Variants in LRRC7 observed in about 807,000 individuals in gnomAD.
LRRC7 encodes the protein leucine-rich repeat-containing protein 7.
In LRRC7, 23 loss-of-function variants were observed where a neutral mutation model predicts 175.7. The observed-to-expected ratio is 0.13, with a 90% CI of 0.09 to 0.19. The LOEUF (loss-of-function observed/expected upper bound fraction) is 0.19. LRRC7 is among the 10% of genes least tolerant of loss of function. LRRC7 has a pLI of 1.00. For synonymous variants in LRRC7, 685 were observed against 680.9 expected (o/e 1.01, Z -0.09); for missense variants, 1,354 against 1,904.7 (o/e 0.71, Z 5.38).
intron 26 of LRRC7, among the ~76,000 whole-genome samples, chr1:70,114,337 A>G (rs1665712815): frequency 6.6e-6 from 1 of 152,146 alleles, no homozygotes; most frequent in South Asian, 2.1e-4. Flanking sequence ...AGATTTTAAT[A>G]CAATTGGATT....
intron 9 of LRRC7, among the ~76,000 whole-genome samples, chr1:69,982,622 G>A (rs997105769): frequency 1.3e-5 from 2 of 152,318 alleles, no homozygotes; most frequent in Middle Eastern, 3.4e-3. Context: ...GAAGCAAATA[G>A]ATAATGATCA....
In LRRC7 at chr1:69,593,621, A is replaced by T. The variant is rs536423422; in HGVS notation, c.2+24980A>T. Among the ~76,000 whole-genome samples the T allele has an allele frequency of 2.0e-5, 3 of 152,300 alleles. No homozygotes were observed. In the East Asian group the frequency reaches 5.8e-4, roughly 29 times the overall value. Reference sequence around the variant, plus strand: ...TGTTTTTGTAACACCAAATTGCAACAATAAGGAAATGTTTAAAACTTACAA... The same window carrying T: ...TGTTTTTGTAACACCAAATTGCAACTATAAGGAAATGTTTAAAACTTACAA... On this transcript the variant is annotated intron_variant, in intron 1 of 26. Coordinates refer to ENST00000651989, the MANE Select transcript of LRRC7 (RefSeq NM_001370785.2).
chr1:69,835,148 A>G (rs999591566), intron 6 of LRRC7, among the ~76,000 whole-genome samples: 3 of 151,978 alleles, frequency 2.0e-5, no homozygotes, highest in Admixed American at 2.0e-4. Flanking sequence ...AAAAAAGGAG[A>G]TGAATATTTA....
chr1:70,082,911 G>T (rs570720295), intron 24 of LRRC7, among the ~76,000 whole-genome samples: 2 of 148,148 alleles, frequency 1.3e-5, no homozygotes, highest in Admixed American at 1.4e-4. Flanking sequence ...TCAGCCTCCC[G>T]AGTAGCTGGG....
intron 10 of LRRC7, 27 bp downstream of exon 10, chr1:69,986,413 TATTTATGTCAAATATACC>T: frequency 6.3e-7 from 1 of 1,591,342 alleles, no homozygotes; most frequent in Non-Finnish European, 8.6e-7. Context: ...TTGTCACAAA[TATTTATGTCAAATATACC>T]ATTTTCTTTT....
chr1:69,623,082 G>A (rs1488120821), intron 1 of LRRC7, among the ~76,000 whole-genome samples: 1 of 152,092 alleles, frequency 6.6e-6, no homozygotes, highest in Non-Finnish European at 1.5e-5. Flanking sequence ...AGAAGGGAGA[G>A]AAAAAGCCTT....
chr1:69,660,130 A>C (rs1657240225), intron 1 of LRRC7, among the ~76,000 whole-genome samples: 1 of 152,062 alleles, frequency 6.6e-6, no homozygotes, highest in Non-Finnish European at 1.5e-5. Flanking sequence ...ATTCCAGGCA[A>C]TTAATACTCA....
chr1:69,890,708 T>G (rs1460085414), intron 7 of LRRC7, among the ~76,000 whole-genome samples: 1 of 152,210 alleles, frequency 6.6e-6, no homozygotes, highest in Non-Finnish European at 1.5e-5. Context: ...GAAAACCTGT[T>G]TTTTATTGTA....
At chr1:69,580,060 C>T (rs1646132056) in intron 1 of LRRC7, among the ~76,000 whole-genome samples, 1 of 152,042 alleles carries the variant, frequency 6.6e-6, no homozygotes, top group Non-Finnish European at 1.5e-5. Flanking sequence ...ATGCAGTCCT[C>T]CTGGCACATA....
At chr1:69,641,589 C>T (rs1371935339) in intron 1 of LRRC7, among the ~76,000 whole-genome samples, 2 of 151,502 alleles carry the variant, frequency 1.3e-5, no homozygotes, top group Non-Finnish European at 3.0e-5. Context: ...CCTATGGAAG[C>T]ATTATAGCTA....
chr1:69,802,600 A>C (rs1676648033), intron 4 of LRRC7, among the ~76,000 whole-genome samples: 1 of 151,168 alleles, frequency 6.6e-6, no homozygotes, highest in African/African-American at 2.4e-5. Context: ...TCAGTTTGTA[A>C]GTGTCTTTGC....
chr1:69,727,087 G>A (rs1302028052), intron 2 of LRRC7, among the ~76,000 whole-genome samples: 5 of 152,214 alleles, frequency 3.3e-5, no homozygotes, highest in Non-Finnish European at 5.9e-5. Flanking sequence ...AAGCCCTTCA[G>A]TATTGTGCCA....
chr1:69,731,851 A>T (rs1263254617), intron 2 of LRRC7, among the ~76,000 whole-genome samples: 1 of 152,222 alleles, frequency 6.6e-6, no homozygotes, highest in Non-Finnish European at 1.5e-5. Flanking sequence ...TAGGAGCTAC[A>T]TTATTACAAG....
chr1:69,707,802 T>A (rs1438129309), intron 2 of LRRC7, among the ~76,000 whole-genome samples: 1 of 152,150 alleles, frequency 6.6e-6, no homozygotes, highest in Non-Finnish European at 1.5e-5. Flanking sequence ...GACTCTTGCT[T>A]TAGAACTAAT....
chr1:70,050,685 T>C (rs1660679332), intron 22 of LRRC7, among the ~76,000 whole-genome samples: 1 of 152,044 alleles, frequency 6.6e-6, no homozygotes, highest in Non-Finnish European at 1.5e-5. Flanking sequence ...CAGTAGCTCC[T>C]TTTAGCCTTT....
intron 3 of LRRC7, among the ~76,000 whole-genome samples, chr1:69,781,947 G>GAGAGAA: frequency 9.0e-6 from 1 of 111,382 alleles, no homozygotes. Flanking sequence ...AAAGAGAAAA[G>GAGAGAA]AAAAGAAAGA....
chr1:69,805,397 C>G (rs1274333322), intron 4 of LRRC7, among the ~76,000 whole-genome samples: 1 of 151,796 alleles, frequency 6.6e-6, no homozygotes, highest in Middle Eastern at 3.2e-3. Flanking sequence ...AAGGGGTCTA[C>G]TCTGTGACGC....
At chr1:69,702,350 A>T (rs1041093085) in intron 2 of LRRC7, among the ~76,000 whole-genome samples, 2 of 152,240 alleles carry the variant, frequency 1.3e-5, no homozygotes, top group Non-Finnish European at 2.9e-5. Context: ...TGCAGATGAC[A>T]GTAAACATGA....
At chr1:70,092,948 G>C (rs1664137022) in intron 25 of LRRC7, among the ~76,000 whole-genome samples, 1 of 152,104 alleles carries the variant, frequency 6.6e-6, no homozygotes, top group Admixed American at 6.6e-5. Context: ...TCCAGTTAAA[G>C]GGATAGAGCA....
Sources: gnomAD v4.1 joint callset for allele counts (sites outside exome capture counted in the v4.1 genomes callset) on GRCh38, gnomAD v4.1.1 for gene constraint, MANE v1.5 for transcripts, NCBI Gene and HGNC (gene_info 2026-07-23, HGNC 2026-07-21) for gene names.